The following KLHL18 variants were observed in gnomAD, a reference collection of about 807,000 sequenced individuals.
The protein encoded by KLHL18 is kelch like family member 18, also known as kelch-like protein 18.
In KLHL18, 38 loss-of-function variants were observed where a neutral mutation model predicts 58.5. The ratio of observed to expected loss-of-function variants is 0.65; its 90% CI spans 0.50 to 0.85. KLHL18 has a LOEUF of 0.85. Among genes scored for constraint, KLHL18 ranks in the 40% least tolerant of loss-of-function variants. The pLI, the probability that KLHL18 is intolerant of heterozygous loss-of-function variation, is 0.00. For missense variants in KLHL18, 624 were observed against 778.4 expected (o/e 0.80, Z 2.36); for synonymous variants, 303 against 301.9 (o/e 1.00, Z -0.04).
rs181144005 is a variant in KLHL18 at position 47,313,504 on chromosome 3, A to G, written c.130-6149A>G. 2.7e-3 allele frequency among the ~76,000 whole-genome samples: 404 copies of G among 152,250 alleles called. 1 individual carries two copies. The highest frequency in any genetic ancestry group is 9.2e-3 in the African/African-American group (384 of 41,546). On this transcript the variant is annotated intron_variant, in intron 1 of 9. Transcript: ENST00000232766. ...CTCCCAAAGTGCTAGGATTACAGGC[A>G]TGAACCACCATGCCCACAACTTTTT...
In KLHL18 at chr3:47,334,576, TC is replaced by T; in HGVS notation, c.762-104del. 7.5e-7 allele frequency: 1 copy of T among 1,341,376 alleles called. No individual in the cohort carries two copies. Among genetic ancestry groups the T allele is most frequent in the Non-Finnish European group, 1.0e-6 (1 of 956,832 alleles). 83.1% of individuals were successfully genotyped at this position (1,341,376 alleles called of 1,614,324 possible). A position where few individuals can be genotyped will look rare whatever the true frequency, so the allele number is the denominator to read the frequency against. On this transcript the variant is annotated intron_variant, in intron 5 of 9. Transcript: ENST00000232766. This position sits in a 1 kb window ranked among gnomAD's most constrained non-coding sequence, Gnocchi z 4.7. Reference sequence around the variant, plus strand: ...ACCAGACCTTCCAGAAGGCTTCTCCTCCCAGGTTTCCCCTGCAGTTGGCAGT... The same window carrying T: ...ACCAGACCTTCCAGAAGGCTTCTCCTCCAGGTTTCCCCTGCAGTTGGCAGT...
chr3:47,340,416 A>G (rs535139177), intron 7 of KLHL18, 156 bp from the exon 8 acceptor site: 46 of 524,568 alleles, frequency 8.8e-5, no homozygotes, highest in Non-Finnish European at 1.1e-4. Context: ...ATGATGGGGC[A>G]GCTTCTGTCA....
chr3:47,316,717 ATATG>A (rs1703455293), intron 1 of KLHL18, among the ~76,000 whole-genome samples: 1 of 14,090 alleles, frequency 7.1e-5, no homozygotes, highest in Non-Finnish European at 1.4e-4. Context: ...GTATATATGT[ATATG>A]TGTGTGTATA....
At chr3:47,320,023 C>G (rs1349702328) in intron 2 of KLHL18, among the ~76,000 whole-genome samples, 2 of 151,522 alleles carry the variant, frequency 1.3e-5, no homozygotes, top group African/African-American at 4.9e-5. Context: ...TTAATAGGAC[C>G]TAGACTCCAT....
intron 2 of KLHL18, 82 bp from the exon 3 acceptor site, chr3:47,322,486 G>A (rs187741032): frequency 2.9e-6 from 4 of 1,363,040 alleles, no homozygotes; most frequent in Non-Finnish European, 3.9e-6. Context: ...GCTAAGTAAT[G>A]TCAGTTCAGT....
At chr3:47,305,904 A>G (rs1050450008) in intron 1 of KLHL18, among the ~76,000 whole-genome samples, 1 of 152,072 alleles carries the variant, frequency 6.6e-6, no homozygotes, top group Non-Finnish European at 1.5e-5. Context: ...TTCTCCTGTT[A>G]TCATTTTTAT....
intron 1 of KLHL18, among the ~76,000 whole-genome samples, chr3:47,304,048 C>G (rs1472122159): frequency 2.0e-5 from 3 of 152,122 alleles, no homozygotes; most frequent in Non-Finnish European, 4.4e-5. Flanking sequence ...TGAGTGAAAG[C>G]TACAGAGATT....
chr3:47,333,326 G>GTCAC lies in KLHL18; in HGVS notation c.761+9_761+10insTCAC. 6.2e-7 allele frequency: 1 copy of GTCAC among 1,611,794 alleles called. No homozygotes were observed. Among genetic ancestry groups the GTCAC allele is most frequent in the Non-Finnish European group, 8.5e-7 (1 of 1,178,614 alleles). ...TGCTGCCACAAATGCAGGTGAGTGAGGGTGGACCTGCACAGGACACTGCCA... is the reference window on the plus strand; with the variant it reads ...TGCTGCCACAAATGCAGGTGAGTGAGTCACGGTGGACCTGCACAGGACACTGCCA... On this transcript the variant is annotated intron_variant, in intron 5 of 9. Transcript: ENST00000232766.
At chr3:47,311,507 A>G (rs1428320936) in intron 1 of KLHL18, among the ~76,000 whole-genome samples, 2 of 152,076 alleles carry the variant, frequency 1.3e-5, no homozygotes, top group Non-Finnish European at 2.9e-5. Flanking sequence ...TCTGGCTAAC[A>G]TAGTGAAACC....
At chr3:47,333,513 G>A (rs1429222468) in intron 5 of KLHL18, among the ~76,000 whole-genome samples, 196 bp downstream of exon 5, 1 of 152,254 alleles carries the variant, frequency 6.6e-6, no homozygotes, top group East Asian at 1.9e-4. Context: ...TGGGCAGAGA[G>A]ATGTGCCATG....
intron 7 of KLHL18, chr3:47,337,356 T>TACA: frequency 1.3e-5 from 2 of 156,636 alleles, no homozygotes; most frequent in Admixed American, 6.0e-5. Flanking sequence ...CTACCTGCTC[T>TACA]CTCCACTTCT....
At chr3:47,343,284 C>T (rs1576190910) in intron 9 of KLHL18, among the ~76,000 whole-genome samples, 1 of 152,348 alleles carries the variant, frequency 6.6e-6, no homozygotes, top group East Asian at 1.9e-4. Context: ...AGCTCTCATA[C>T]AGGTTCTGTC....
intron 3 of KLHL18, among the ~76,000 whole-genome samples, chr3:47,323,741 C>G (rs1175484885): frequency 6.6e-6 from 1 of 152,150 alleles, no homozygotes; most frequent in East Asian, 1.9e-4. Context: ...GCTTCACACA[C>G]CCAGCCTTCA....
At chr3:47,294,452 C>T (rs1158542497) in intron 1 of KLHL18, among the ~76,000 whole-genome samples, 1 of 152,144 alleles carries the variant, frequency 6.6e-6, no homozygotes, top group Non-Finnish European at 1.5e-5. Flanking sequence ...AAGCAGGAGC[C>T]AGCCTCTCTT....
chr3:47,341,453 G>A (rs758155435), intron 8 of KLHL18, among the ~76,000 whole-genome samples: 1 of 152,130 alleles, frequency 6.6e-6, no homozygotes, highest in Non-Finnish European at 1.5e-5. Context: ...TCCTACCCTG[G>A]AGGCCTGTGT....
chr3:47,329,971 T>A lies in KLHL18; in HGVS notation c.422T>A (p.Leu141Gln). Residue 141 changes from leucine (L) to glutamine (Q), a missense_variant, in exon 4 of 10, where the codon CTG becomes CAG. By Grantham distance (113) the Leu-to-Gln change is moderately radical (BLOSUM62 -2). Transcript: ENST00000232766. ...CAAAGGCTTCACCCAAAAAACTGCC[T>A]GGGTGTGCGCCAGTTTGCTGAGACA... ...LRERLHPKNC[L>Q]GVRQFAETMM... The A allele has an allele frequency of 1.2e-6, 2 of 1,614,186 alleles. No individual in the cohort carries two copies. The highest frequency in any genetic ancestry group is 1.7e-6 in the Non-Finnish European group (2 of 1,180,026).
At chr3:47,299,737 G>A (rs1225115935) in intron 1 of KLHL18, among the ~76,000 whole-genome samples, 1 of 146,174 alleles carries the variant, frequency 6.8e-6, no homozygotes, top group East Asian at 2.1e-4. Context: ...TGAGGCAGGA[G>A]GATTGATTGA....
At position 47,334,615 on chromosome 3, in the gene KLHL18, T is replaced by C. The variant is rs923458185; in HGVS notation, c.762-68T>C. The C allele has an allele frequency of 1.3e-6, 2 of 1,577,724 alleles. No individual in the cohort carries two copies. The highest frequency in any genetic ancestry group is 2.7e-5 in the African/African-American group (2 of 74,338). ...TGCAGTTGGCAGTGGAGAGCCAGGC[T>C]CAGAGATGCAAACGAGGACTAAGTC... On this transcript the variant is annotated intron_variant, in intron 5 of 9. Coordinates refer to ENST00000232766, the MANE Select transcript of KLHL18 (RefSeq NM_025010.5). The surrounding 1 kb of genome is among the most constrained non-coding windows in gnomAD (Gnocchi z 4.7).
chr3:47,341,594 T>C (rs116081538), intron 8 of KLHL18, among the ~76,000 whole-genome samples: 96 of 152,256 alleles, frequency 6.3e-4, no homozygotes, highest in African/African-American at 2.2e-3. Context: ...TTGCTCATCA[T>C]AGGGAGACAA....
Sources: gnomAD v4.1 joint callset for allele counts (sites outside exome capture counted in the v4.1 genomes callset) on GRCh38, gnomAD v4.1.1 for gene constraint, Gnocchi (gnomAD v3.1) non-coding constraint, MANE v1.5 for transcripts, NCBI Gene and HGNC (gene_info 2026-07-23, HGNC 2026-07-21) for gene names.